Variants in OPN5 observed in about 807,000 individuals in gnomAD.
The protein encoded by OPN5 is opsin 5.
Under a neutral mutation model 41.7 loss-of-function variants are expected in OPN5, and 18 were observed. That is an observed-to-expected ratio of 0.43 (90% CI 0.30 to 0.64). The LOEUF (loss-of-function observed/expected upper bound fraction) is 0.64, where lower values mean the gene tolerates loss of function less well. OPN5 is among the 30% of genes least tolerant of loss of function. The pLI, the probability that OPN5 is intolerant of heterozygous loss-of-function variation, is 0.13. For missense variants in OPN5, 318 were observed against 434.5 expected, an observed-to-expected ratio of 0.73 and a Z score of 2.38; for synonymous variants, 178 against 164.3, an observed-to-expected ratio of 1.08 and a Z score of -0.64.
At chr6:47,791,711 G>A (rs759768764) in intron 2 of OPN5, 91 bp from the exon 3 acceptor site, 23 of 1,014,652 alleles carry the variant, frequency 2.3e-5, no homozygotes, top group African/African-American at 8.0e-5. Context: ...ATGTGTCCCC[G>A]TGCTTTAGGG....
At chr6:47,784,849 A>G (rs564928172) in intron 1 of OPN5, among the ~76,000 whole-genome samples, 3 of 152,310 alleles carry the variant, frequency 2.0e-5, no homozygotes, top group Non-Finnish European at 4.4e-5. Flanking sequence ...AGGATTTGAT[A>G]ATCTAAAAGT....
chr6:47,812,264 GC>G (rs1561903184), intron 6 of OPN5, among the ~76,000 whole-genome samples: 2 of 152,026 alleles, frequency 1.3e-5, no homozygotes, highest in Admixed American at 6.6e-5. Context: ...AATCAGTTTT[GC>G]CTTAAATCAC....
chr6:47,789,651 C>G lies in OPN5; in HGVS notation c.251-2151C>G, dbSNP rs1355321646. Among the ~76,000 whole-genome samples the G allele has an allele frequency of 2.0e-5, 3 of 152,294 alleles. No individual in the cohort carries two copies. The East Asian group carries it at 5.8e-4, about 29-fold the overall frequency. ...TAGCAAGCTGAAAGATGGCACTAAC[C>G]ATCTAGACAACTAGAGGAGACGTGT... On this transcript the variant is annotated intron_variant, in intron 2 of 6. Transcript: ENST00000371211.
At chr6:47,796,603 G>C (rs1389535406) in intron 4 of OPN5, among the ~76,000 whole-genome samples, 1 of 151,870 alleles carries the variant, frequency 6.6e-6, no homozygotes, top group African/African-American at 2.4e-5. Flanking sequence ...ATTTCTTCCT[G>C]TATCCCAATC....
At chr6:47,782,813 C>T (rs1321823498) in intron 1 of OPN5, among the ~76,000 whole-genome samples, 1 of 152,242 alleles carries the variant, frequency 6.6e-6, no homozygotes, top group East Asian at 1.9e-4. Flanking sequence ...AAAGGGTGCA[C>T]CTGCTTCTAG....
At chr6:47,812,397 G>A (rs1762272916) in intron 6 of OPN5, among the ~76,000 whole-genome samples, 1 of 152,164 alleles carries the variant, frequency 6.6e-6, no homozygotes, top group South Asian at 2.1e-4. Context: ...ATGTAACAGG[G>A]CATTATGAGT....
intron 1 of OPN5, among the ~76,000 whole-genome samples, chr6:47,784,880 C>T (rs1773159704): frequency 6.6e-6 from 1 of 152,100 alleles, no homozygotes; most frequent in South Asian, 2.1e-4. Flanking sequence ...TGGTCTTTAT[C>T]TTCTTAATCT....
At chr6:47,803,839 T>C (rs559697576) in intron 4 of OPN5, among the ~76,000 whole-genome samples, 1 of 152,320 alleles carries the variant, frequency 6.6e-6, no homozygotes, top group East Asian at 1.9e-4. Context: ...TCAGTCGAGC[T>C]GAACCATGAC....
At chr6:47,822,665 T>G (rs1171916214) in intron 6 of OPN5, among the ~76,000 whole-genome samples, 2 of 152,206 alleles carry the variant, frequency 1.3e-5, no homozygotes, top group African/African-American at 4.8e-5. Flanking sequence ...TCTTGCCAAA[T>G]GAGAGTGTTG....
intron 6 of OPN5, among the ~76,000 whole-genome samples, chr6:47,819,359 TATATTACCGTATAAGTAGAA>T (rs1300191999): frequency 2.5e-3 from 77 of 31,428 alleles, no homozygotes; most frequent in East Asian, 0.022. Context: ...ATATAAAAAA[TATATTACCGTATAAGTAGAA>T]ATATATATAT....
chr6:47,783,329 G>C (rs1020190752), intron 1 of OPN5, among the ~76,000 whole-genome samples: 1 of 152,008 alleles, frequency 6.6e-6, no homozygotes, highest in Admixed American at 6.6e-5. Flanking sequence ...CAGATGTTGG[G>C]TCAAACTTGC....
At chr6:47,791,033 G>A (rs970862066) in intron 2 of OPN5, among the ~76,000 whole-genome samples, 1 of 152,138 alleles carries the variant, frequency 6.6e-6, no homozygotes, top group Non-Finnish European at 1.5e-5. Flanking sequence ...GAGGTGGAAG[G>A]AAATCACTGT....
intron 6 of OPN5, among the ~76,000 whole-genome samples, chr6:47,812,629 C>T (rs538404908): frequency 5.8e-4 from 88 of 152,194 alleles, no homozygotes; most frequent in African/African-American, 2.0e-3. Flanking sequence ...GATACTATGT[C>T]CAAATAGGTT....
chr6:47,782,854 A>C (rs1164853750), intron 1 of OPN5, among the ~76,000 whole-genome samples: 1 of 152,208 alleles, frequency 6.6e-6, no homozygotes, highest in Non-Finnish European at 1.5e-5. Flanking sequence ...CAGTAGCCAC[A>C]TGTGGCTTTT....
intron 4 of OPN5, among the ~76,000 whole-genome samples, chr6:47,796,302 G>C (rs979999842): frequency 6.6e-6 from 1 of 152,172 alleles, no homozygotes; most frequent in Admixed American, 6.5e-5. Flanking sequence ...AAGAGATAAA[G>C]TATATTATTC....
At chr6:47,804,324 A>T (rs573002075) in intron 4 of OPN5, among the ~76,000 whole-genome samples, 1 of 152,306 alleles carries the variant, frequency 6.6e-6, no homozygotes, top group East Asian at 1.9e-4. Context: ...AAAAAAAATA[A>T]ACAACTTAGA....
chr6:47,811,679 A>C, exon 6 of OPN5: 1 of 1,611,752 alleles, frequency 6.2e-7, no homozygotes, highest in Non-Finnish European at 8.5e-7. Flanking sequence ...TCTAGGCTGC[A>C]CACCGTAACC....
At chr6:47,805,449 G>A (rs1249533897) in intron 4 of OPN5, among the ~76,000 whole-genome samples, 1 of 151,640 alleles carries the variant, frequency 6.6e-6, no homozygotes, top group Admixed American at 6.6e-5. Context: ...TGTGTGTGCT[G>A]CAGGTAATGT....
chr6:47,790,080 T>A (rs1324133443), intron 2 of OPN5, among the ~76,000 whole-genome samples: 2 of 152,122 alleles, frequency 1.3e-5, no homozygotes, highest in African/African-American at 4.8e-5. Context: ...GACCTCACAT[T>A]TACTGAAATA....
Sources: allele counts gnomAD v4.1 joint callset (sites outside exome capture counted in the v4.1 genomes callset), GRCh38; gene constraint gnomAD v4.1.1; transcripts MANE v1.5; gene names NCBI Gene and HGNC (gene_info 2026-07-23, HGNC 2026-07-21).